PTPRD: variants seen among roughly 807,000 people sequenced by gnomAD.
The protein encoded by PTPRD is protein tyrosine phosphatase receptor type D.
PTPRD carries 34 observed loss-of-function variants against 214.5 expected under a neutral mutation model. That is an observed-to-expected ratio of 0.16 (90% CI 0.12 to 0.21). The LOEUF (loss-of-function observed/expected upper bound fraction) is 0.21, where lower values mean the gene tolerates loss of function less well. Among genes scored for constraint, PTPRD ranks in the 10% least tolerant of loss-of-function variants. PTPRD has a pLI of 1.00. For missense variants in PTPRD, 2,545 were observed against 2,398.7 expected (o/e 1.06, Z -1.27); for synonymous variants, 1,128 against 845.7 (o/e 1.33, Z -5.79).
chr9:10,192,751 A>C (rs2099374033), intron 3 of PTPRD, among the ~76,000 whole-genome samples: 1 of 152,154 alleles, frequency 6.6e-6, no homozygotes, highest in Non-Finnish European at 1.5e-5. Context: ...GAGAGAGATA[A>C]CCACTTTCTA....
At chr9:10,407,851 A>AT (rs944266616) in intron 2 of PTPRD, among the ~76,000 whole-genome samples, 44 of 151,258 alleles carry the variant, frequency 2.9e-4, no homozygotes, top group East Asian at 2.2e-3. Context: ...AAATGTTTCA[A>AT]TTTTTTTTTA....
intron 5 of PTPRD, among the ~76,000 whole-genome samples, chr9:9,929,480 G>A (rs995070860): frequency 4.6e-5 from 7 of 152,166 alleles, no homozygotes; most frequent in African/African-American, 7.2e-5. Context: ...TGCAACCTCT[G>A]CCTCCTGGGT....
At chr9:9,793,673 G>C (rs188212670) in intron 5 of PTPRD, among the ~76,000 whole-genome samples, 9 of 151,670 alleles carry the variant, frequency 5.9e-5, no homozygotes, top group Non-Finnish European at 1.3e-4. Context: ...TATTTTCAAA[G>C]GTTTCAAATT....
intron 2 of PTPRD, among the ~76,000 whole-genome samples, chr9:10,563,060 C>T (rs187359749): frequency 2.4e-4 from 37 of 152,244 alleles, no homozygotes; most frequent in African/African-American, 8.7e-4. Context: ...TGTGGGAATG[C>T]CTATCCTTCA....
intron 27 of PTPRD, among the ~76,000 whole-genome samples, chr9:8,488,983 T>C (rs564164515): frequency 1.3e-5 from 2 of 152,358 alleles, no homozygotes; most frequent in East Asian, 3.9e-4. Flanking sequence ...TAATAATATA[T>C]ACACCGTGTA....
intron 11 of PTPRD, among the ~76,000 whole-genome samples, chr9:8,936,750 T>C (rs1275492411): frequency 6.6e-6 from 1 of 152,212 alleles, no homozygotes; most frequent in Non-Finnish European, 1.5e-5. Context: ...TGATTCTGTT[T>C]TCTTACTGGA....
At chr9:8,730,864 C>T (rs2098649685) in intron 12 of PTPRD, among the ~76,000 whole-genome samples, 1 of 152,128 alleles carries the variant, frequency 6.6e-6, no homozygotes, top group African/African-American at 2.4e-5. Flanking sequence ...TCGCATATGC[C>T]CTTCCCTGAG....
At chr9:9,968,981 T>C (rs2094907587) in intron 4 of PTPRD, among the ~76,000 whole-genome samples, 2 of 152,166 alleles carry the variant, frequency 1.3e-5, no homozygotes, top group Admixed American at 6.5e-5. Flanking sequence ...AGATGTGATC[T>C]TGGCCTCATA....
At chr9:8,993,465 C>G (rs183066621) in intron 11 of PTPRD, among the ~76,000 whole-genome samples, 59 of 152,194 alleles carry the variant, frequency 3.9e-4, no homozygotes, top group African/African-American at 1.4e-3. Context: ...ATTAACAATT[C>G]TGTTGAAAAT....
intron 9 of PTPRD, among the ~76,000 whole-genome samples, chr9:9,385,276 C>A (rs943447263): frequency 2.0e-5 from 3 of 152,120 alleles, no homozygotes; most frequent in Non-Finnish European, 4.4e-5. Flanking sequence ...TTTAGTCAAA[C>A]ATTTATTTGC....
At chr9:8,827,417 G>A (rs1348847738) in intron 11 of PTPRD, among the ~76,000 whole-genome samples, 1 of 152,118 alleles carries the variant, frequency 6.6e-6, no homozygotes, top group African/African-American at 2.4e-5. Context: ...AACCAGCCTG[G>A]GCAACATGGT....
chr9:9,960,475 G>A (rs1255921456), intron 4 of PTPRD, among the ~76,000 whole-genome samples: 1 of 152,108 alleles, frequency 6.6e-6, no homozygotes, highest in Non-Finnish European at 1.5e-5. Flanking sequence ...GGGGACAGGA[G>A]GAGACTAACT....
intron 2 of PTPRD, among the ~76,000 whole-genome samples, chr9:10,377,705 G>A (rs956754808): frequency 6.6e-6 from 1 of 152,046 alleles, no homozygotes; most frequent in Admixed American, 6.6e-5. Context: ...AACAACAGGT[G>A]CTGGAGAGGA....
intron 6 of PTPRD, among the ~76,000 whole-genome samples, chr9:9,763,760 C>CT (rs112903956): frequency 0.19 from 29,140 of 151,714 alleles, 4,431 homozygotes; most frequent in African/African-American, 0.4. Flanking sequence ...TGTCCTTCTT[C>CT]TTTTTTGATA....
chr9:9,081,694 A>G (rs1364035732), intron 10 of PTPRD, among the ~76,000 whole-genome samples: 2 of 151,904 alleles, frequency 1.3e-5, no homozygotes, highest in African/African-American at 4.8e-5. Context: ...TTGGGTGCAT[A>G]TATATTTAGG....
intron 10 of PTPRD, among the ~76,000 whole-genome samples, chr9:9,065,902 A>G (rs2099729909): frequency 6.6e-6 from 1 of 152,176 alleles, no homozygotes; most frequent in South Asian, 2.1e-4. Flanking sequence ...ATGGGTTTAA[A>G]TACAGTGCCT....
At chr9:8,524,770 A>G in intron 18 of PTPRD, 155 bp downstream of exon 18, 1 of 770,932 alleles carries the variant, frequency 1.3e-6, no homozygotes, top group Non-Finnish European at 2.4e-6. Flanking sequence ...ACACATTTTA[A>G]ATTTTTAACT....
chr9:8,581,765 AAAGGG>A lies in PTPRD; in HGVS notation c.352+51547_352+51551del, dbSNP rs912937983. The stretch of plus-strand genomic sequence containing the variant: ...CCATCTCTAAATAAATAAATAAAAG[AAAGGG>A]AAGGGAAGGGAAGGGGAGGGGAGGA... On this transcript the variant is annotated intron_variant, in intron 14 of 45. Transcript: ENST00000381196. Among the ~76,000 whole-genome samples, 7 of 148,062 alleles carry A rather than the reference AAAGGG, an allele frequency of 4.7e-5. No homozygotes were observed. In the East Asian group the frequency reaches 6.2e-4, roughly 13 times the overall value.
At chr9:8,588,415 G>C (rs995160226) in intron 14 of PTPRD, among the ~76,000 whole-genome samples, 5 of 152,162 alleles carry the variant, frequency 3.3e-5, no homozygotes, top group Admixed American at 2.0e-4. Flanking sequence ...TGTTTTGGAA[G>C]TTCAAGTCTC....
Sources: allele counts gnomAD v4.1 joint callset (sites outside exome capture counted in the v4.1 genomes callset), GRCh38; gene constraint gnomAD v4.1.1; transcripts MANE v1.5; gene names NCBI Gene and HGNC (gene_info 2026-07-23, HGNC 2026-07-21).